TRIM33: variants seen among roughly 807,000 people sequenced by gnomAD.
The protein encoded by TRIM33 is E3 ubiquitin-protein ligase TRIM33.
Under a neutral mutation model 125.4 loss-of-function variants are expected in TRIM33, and 20 were observed. The ratio of observed to expected loss-of-function variants is 0.16; its 90% CI spans 0.11 to 0.23. The LOEUF (loss-of-function observed/expected upper bound fraction) is 0.23, where lower values mean the gene tolerates loss of function less well. Among genes scored for constraint, TRIM33 ranks in the 10% least tolerant of loss-of-function variants. TRIM33 has a pLI of 1.00. For synonymous variants in TRIM33, 564 were observed against 513.9 expected (o/e 1.10, Z -1.32); for missense variants, 920 against 1,411.4 (o/e 0.65, Z 5.58).
Position 114,397,322 on chromosome 1 carries a change from A to G in TRIM33, c.*326T>C, listed in dbSNP as rs35834438. On this transcript the variant is annotated 3_prime_UTR_variant, in exon 20 of 20. Coordinates refer to ENST00000358465, the MANE Select transcript of TRIM33 (RefSeq NM_015906.4). ...TTTACTCGTATACCAAGTATCCTGC[A>G]CCAATCAATAGCACACAATCATCAA... 16,384 of 389,980 alleles carry G rather than the reference A, an allele frequency of 0.042. 453 individuals carry two copies. Among genetic ancestry groups the G allele is most frequent in the Middle Eastern group, 0.074 (101 of 1,364 alleles). 24.2% of individuals were successfully genotyped at this position (389,980 alleles called of 1,614,324 possible).
intron 10 of TRIM33, 123 bp downstream of exon 10, chr1:114,424,468 G>C: frequency 1.3e-6 from 1 of 748,778 alleles, no homozygotes; most frequent in Non-Finnish European, 2.0e-6. Flanking sequence ...TGGGACAAGA[G>C]GATATACAGC....
intron 4 of TRIM33, among the ~76,000 whole-genome samples, chr1:114,437,606 G>C (rs924022411): frequency 1.1e-4 from 16 of 152,050 alleles, no homozygotes; most frequent in African/African-American, 3.9e-4. Context: ...CAAAGTGCTG[G>C]GATTATAGGC....
intron 4 of TRIM33, among the ~76,000 whole-genome samples, chr1:114,439,461 T>C (rs558995203): frequency 2.0e-5 from 2 of 98,278 alleles, no homozygotes; most frequent in East Asian, 5.9e-4. Flanking sequence ...AGAGAGAGAC[T>C]CTGTATCAAA....
chr1:114,454,791 T>G (rs1289325614), intron 4 of TRIM33, among the ~76,000 whole-genome samples: 2 of 152,122 alleles, frequency 1.3e-5, no homozygotes, highest in Non-Finnish European at 2.9e-5. Context: ...AGCTCAGACT[T>G]CAGCCAGTCT....
chr1:114,439,796 C>G (rs1648542706), intron 4 of TRIM33, among the ~76,000 whole-genome samples: 1 of 151,746 alleles, frequency 6.6e-6, no homozygotes, highest in African/African-American at 2.4e-5. Context: ...TAAAAGCAAC[C>G]AGAAGAGAAA....
In TRIM33 at chr1:114,395,047, T is replaced by C. The variant is rs570410545; in HGVS notation, c.*2601A>G. 5.2e-5 allele frequency: 10 copies of C among 192,940 alleles called. No homozygotes were observed. The highest frequency in any genetic ancestry group is 8.7e-5 in the Non-Finnish European group (8 of 92,372). 12.0% of individuals were successfully genotyped at this position (192,940 alleles called of 1,614,324 possible). On this transcript the variant is annotated 3_prime_UTR_variant, in exon 20 of 20. Coordinates refer to ENST00000358465, the MANE Select transcript of TRIM33 (RefSeq NM_015906.4). The stretch of plus-strand genomic sequence containing the variant: ...GATACAATTTTGTCTTTTTAAAACA[T>C]AAACTAATAGGAAAACATATATCTA...
Position 114,395,581 on chromosome 1 carries a change from T to C in TRIM33, c.*2067A>G. On this transcript the variant is annotated 3_prime_UTR_variant, in exon 20 of 20. Coordinates refer to ENST00000358465, the MANE Select transcript of TRIM33 (RefSeq NM_015906.4). ...CACTTTCCAAAAATGTGCCCTTAGA[T>C]ATATGTCTACTTACAAACTGAAATC... The C allele has an allele frequency of 5.0e-6, 1 of 199,450 alleles. No individual in the cohort carries two copies. The highest frequency in any genetic ancestry group is 1.0e-5 in the Non-Finnish European group (1 of 96,438). The allele number at this position is 199,450 out of a possible 1,614,324, so 12.4% of individuals were successfully genotyped here. A position where few individuals can be genotyped will look rare whatever the true frequency, so the allele number is the denominator to read the frequency against.
chr1:114,407,132 CG>C, intron 13 of TRIM33, 32 bp from the exon 14 acceptor site: 4 of 1,579,400 alleles, frequency 2.5e-6, no homozygotes, highest in Non-Finnish European at 3.5e-6. Flanking sequence ...AGATCACATA[CG>C]TTTGACTATA....
intron 1 of TRIM33, among the ~76,000 whole-genome samples, chr1:114,489,728 G>A (rs1248881086): frequency 6.6e-6 from 1 of 152,014 alleles, no homozygotes; most frequent in African/African-American, 2.4e-5. Context: ...CTGGGGAACA[G>A]AGCAAGACCC....
rs1653353374 is a variant in TRIM33, at chr1:114,511,167, C to T, written c.-91G>A. The T allele has an allele frequency of 9.6e-7, 1 of 1,038,646 alleles. No individual in the cohort carries two copies. Among genetic ancestry groups the T allele is most frequent in the Non-Finnish European group, 1.2e-6 (1 of 862,818 alleles). The allele number at this position is 1,038,646 out of a possible 1,614,324, so 64.3% of individuals were successfully genotyped here. A position where few individuals can be genotyped will look rare whatever the true frequency, so the allele number is the denominator to read the frequency against. On this transcript the variant is annotated 5_prime_UTR_variant, in exon 1 of 20. Coordinates refer to ENST00000358465, the MANE Select transcript of TRIM33 (RefSeq NM_015906.4). ...CCCCCAGCCCCAGCCGCAGCCGCAGCAAGAGCGGCAGCCGAGAGCTAGCGA... is the reference window on the plus strand; with the variant it reads ...CCCCCAGCCCCAGCCGCAGCCGCAGTAAGAGCGGCAGCCGAGAGCTAGCGA...
In TRIM33 at chr1:114,397,418, C is replaced by T. The variant is rs1436344838; in HGVS notation, c.*230G>A. Reference sequence around the variant, plus strand: ...AAATCCTCAAATCATTTCACTTTTGCTTTTTGCTTTGAAACTTGCAAACAG... The same window carrying T: ...AAATCCTCAAATCATTTCACTTTTGTTTTTTGCTTTGAAACTTGCAAACAG... On this transcript the variant is annotated 3_prime_UTR_variant, in exon 20 of 20. Coordinates refer to ENST00000358465, the MANE Select transcript of TRIM33 (RefSeq NM_015906.4). The T allele has an allele frequency of 1.9e-6, 1 of 527,540 alleles. No individual in the cohort carries two copies. Among genetic ancestry groups the T allele is most frequent in the Non-Finnish European group, 3.3e-6 (1 of 298,794 alleles). The allele number at this position is 527,540 out of a possible 1,614,324, so 32.7% of individuals were successfully genotyped here.
intron 4 of TRIM33, among the ~76,000 whole-genome samples, chr1:114,436,127 G>T (rs768351187): frequency 5.9e-5 from 9 of 151,534 alleles, no homozygotes; most frequent in Non-Finnish European, 1.3e-4. Flanking sequence ...CACAGGCCAG[G>T]CGTGGTGGCT....
intron 1 of TRIM33, among the ~76,000 whole-genome samples, chr1:114,489,538 G>GT (rs772745675): frequency 1.3e-4 from 20 of 152,024 alleles, no homozygotes; most frequent in Non-Finnish European, 2.1e-4. Context: ...GGACCCAGGA[G>GT]TTTGAGACCA....
chr1:114,432,942 AC>A (rs1648056601), intron 5 of TRIM33, among the ~76,000 whole-genome samples: 1 of 152,194 alleles, frequency 6.6e-6, no homozygotes, highest in South Asian at 2.1e-4. Context: ...GTCTATAAAC[AC>A]ATATTAACCT....
intron 4 of TRIM33, among the ~76,000 whole-genome samples, chr1:114,438,672 C>G (rs1303590931): frequency 6.6e-6 from 1 of 151,896 alleles, no homozygotes; most frequent in East Asian, 1.9e-4. Context: ...TGACAACCCT[C>G]TGTGTCTCAC....
intron 14 of TRIM33, among the ~76,000 whole-genome samples, chr1:114,406,200 C>G (rs974887171): frequency 6.6e-6 from 1 of 152,144 alleles, no homozygotes; most frequent in African/African-American, 2.4e-5. Context: ...GTTCACCAAC[C>G]TTGGCACCCA....
intron 4 of TRIM33, among the ~76,000 whole-genome samples, chr1:114,438,489 T>C (rs1648448195): frequency 6.6e-6 from 1 of 152,218 alleles, no homozygotes; most frequent in Non-Finnish European, 1.5e-5. Context: ...CCAAACATCA[T>C]ACTTTATCTA....
At chr1:114,478,056 GA>G (rs1176311121) in intron 1 of TRIM33, among the ~76,000 whole-genome samples, 6 of 152,104 alleles carry the variant, frequency 3.9e-5, no homozygotes, top group African/African-American at 7.2e-5. Flanking sequence ...CTGTCACAAA[GA>G]AAAAAAGCAA....
intron 6 of TRIM33, 114 bp downstream of exon 6, chr1:114,430,684 G>A (rs903043125): frequency 3.1e-5 from 21 of 686,714 alleles, no homozygotes; most frequent in Non-Finnish European, 5.1e-5. Context: ...CTTATTTTAC[G>A]TTTTCCTTTA....
Sources: gnomAD v4.1 joint callset for allele counts (sites outside exome capture counted in the v4.1 genomes callset) on GRCh38, gnomAD v4.1.1 for gene constraint, MANE v1.5 for transcripts, NCBI Gene and HGNC (gene_info 2026-07-23, HGNC 2026-07-21) for gene names.